CDC14A: variants seen among roughly 807,000 people sequenced by gnomAD.
The protein encoded by CDC14A is cell division cycle 14A.
In CDC14A, 53 loss-of-function variants were observed where a neutral mutation model predicts 74.4. The ratio of observed to expected loss-of-function variants is 0.71; its 90% CI spans 0.57 to 0.89. The LOEUF (loss-of-function observed/expected upper bound fraction) is 0.89. CDC14A is among the 40% of genes least tolerant of loss of function. CDC14A has a pLI of 0.00. For missense variants in CDC14A, 646 were observed against 713.7 expected (o/e 0.91, Z 1.08); for synonymous variants, 247 against 258.4 (o/e 0.96, Z 0.43).
At chr1:100,346,792 T>C (rs1222195380) in intron 1 of CDC14A, among the ~76,000 whole-genome samples, 1 of 152,244 alleles carries the variant, frequency 6.6e-6, no homozygotes. Flanking sequence ...AACTTTCTTT[T>C]ACCTTCTAAA....
intron 2 of CDC14A, chr1:100,363,344 T>C (rs1472733129): frequency 6.6e-6 from 1 of 152,226 alleles, no homozygotes; most frequent in Non-Finnish European, 1.5e-5. Context: ...AAAATGATTT[T>C]AGGGCTGCTT....
At chr1:100,445,779 C>G (rs980941406) in intron 7 of CDC14A, among the ~76,000 whole-genome samples, 3 of 152,132 alleles carry the variant, frequency 2.0e-5, no homozygotes, top group Non-Finnish European at 1.5e-5. Flanking sequence ...CAACAACCAT[C>G]TAGGTGATGG....
At chr1:100,515,142 T>C (rs1321172633) in intron 15 of CDC14A, among the ~76,000 whole-genome samples, 1 of 152,166 alleles carries the variant, frequency 6.6e-6, no homozygotes, top group East Asian at 1.9e-4. Context: ...AGATTTGAAA[T>C]GGAGAGTACT....
At chr1:100,443,357 C>T (rs74901211) in intron 7 of CDC14A, among the ~76,000 whole-genome samples, 9,830 of 151,908 alleles carry the variant, frequency 0.065, 521 homozygotes, top group Middle Eastern at 0.099. Flanking sequence ...ATTTTTGAGG[C>T]GGTGTCTAGC....
chr1:100,375,197 G>A lies in CDC14A; in HGVS notation c.141-2349G>A, dbSNP rs555936506. On this transcript the variant is annotated intron_variant, in intron 2 of 15. Coordinates refer to ENST00000336454, the MANE Select transcript of CDC14A (RefSeq NM_003672.4). ...GGAGGACACTCTAGACAAGGAAACC[G>A]ATGTGAGTGGAGGCTTAGATAAAGA... Among the ~76,000 whole-genome samples the A allele has an allele frequency of 5.3e-5, 8 of 152,278 alleles. No homozygotes were observed. In the East Asian group the frequency reaches 5.8e-4, roughly 11 times the overall value.
At chr1:100,381,309 G>T (rs1426116817) in intron 3 of CDC14A, among the ~76,000 whole-genome samples, 1 of 152,148 alleles carries the variant, frequency 6.6e-6, no homozygotes, top group Non-Finnish European at 1.5e-5. Flanking sequence ...TACCGAAACT[G>T]CTCTAATAAC....
intron 10 of CDC14A, among the ~76,000 whole-genome samples, chr1:100,478,570 A>G (rs1357377719): frequency 6.6e-6 from 1 of 152,178 alleles, no homozygotes; most frequent in Non-Finnish European, 1.5e-5. Context: ...GGGGCTCAAT[A>G]TGGCATTGTT....
chr1:100,402,701 T>C (rs983224218), intron 4 of CDC14A, among the ~76,000 whole-genome samples: 1 of 152,164 alleles, frequency 6.6e-6, no homozygotes, highest in African/African-American at 2.4e-5. Flanking sequence ...ACCCAGCTAA[T>C]GGAGAAGGAC....
At chr1:100,507,413 A>G (rs1159309944) in intron 15 of CDC14A, among the ~76,000 whole-genome samples, 1 of 151,920 alleles carries the variant, frequency 6.6e-6, no homozygotes, top group Non-Finnish European at 1.5e-5. Context: ...ATCAGTGTGT[A>G]CTTTCAATCT....
At chr1:100,448,042 C>T (rs1221236893) in intron 7 of CDC14A, among the ~76,000 whole-genome samples, 3 of 152,158 alleles carry the variant, frequency 2.0e-5, no homozygotes, top group Admixed American at 6.6e-5. Flanking sequence ...GTGTCCTGTT[C>T]TTAGTTGGGT....
At chr1:100,357,671 G>A (rs1057491935) in intron 2 of CDC14A, among the ~76,000 whole-genome samples, 1 of 151,376 alleles carries the variant, frequency 6.6e-6, no homozygotes, top group African/African-American at 2.4e-5. Context: ...TGAGGCGACA[G>A]GATTGCTTGA....
At chr1:100,388,180 G>C (rs1197063028) in intron 3 of CDC14A, among the ~76,000 whole-genome samples, 1 of 152,212 alleles carries the variant, frequency 6.6e-6, no homozygotes, top group Non-Finnish European at 1.5e-5. Context: ...TTTATTGAGA[G>C]CCTGGCCTGT....
intron 3 of CDC14A, among the ~76,000 whole-genome samples, chr1:100,381,778 T>TA (rs1182362226): frequency 3.3e-5 from 5 of 152,142 alleles, no homozygotes; most frequent in Non-Finnish European, 7.4e-5. Context: ...TCATCACCAA[T>TA]AAAAAACCTG....
chr1:100,469,594 T>C (rs146943625), intron 10 of CDC14A, among the ~76,000 whole-genome samples: 382 of 152,322 alleles, frequency 2.5e-3, no homozygotes, highest in Middle Eastern at 6.8e-3. Context: ...GAAGAAATGG[T>C]CTTAGGGTTA....
At chr1:100,498,705 A>AG (rs1237911120) in intron 14 of CDC14A, among the ~76,000 whole-genome samples, 3 of 152,182 alleles carry the variant, frequency 2.0e-5, no homozygotes, top group Admixed American at 6.5e-5. Context: ...CTTGGGTCCT[A>AG]GTTAACTGCT....
intron 15 of CDC14A, among the ~76,000 whole-genome samples, chr1:100,501,663 A>C (rs577098358): frequency 6.6e-5 from 10 of 152,218 alleles, no homozygotes; most frequent in Non-Finnish European, 1.3e-4. Context: ...CTCCTTATTA[A>C]AACAAAAGTT....
chr1:100,484,252 C>A (rs1669803380), intron 10 of CDC14A, 40 bp from the exon 11 acceptor site: 1 of 1,293,352 alleles, frequency 7.7e-7, no homozygotes, highest in African/African-American at 1.5e-5. Flanking sequence ...TTAAAGATAA[C>A]TTTTTCTTGT....
intron 15 of CDC14A, among the ~76,000 whole-genome samples, chr1:100,505,481 C>A (rs1216026079): frequency 2.6e-5 from 4 of 152,152 alleles, no homozygotes; most frequent in Admixed American, 1.3e-4. Context: ...ATATTAGAAT[C>A]TAGCTTTATA....
intron 4 of CDC14A, among the ~76,000 whole-genome samples, chr1:100,412,759 ATATATATAT>A (rs1202794618): frequency 3.0e-5 from 3 of 101,688 alleles, no homozygotes; most frequent in South Asian, 2.6e-4. Context: ...TATATTTTAT[ATATATATAT>A]TATATATATA....
Sources: gnomAD v4.1 joint callset for allele counts (sites outside exome capture counted in the v4.1 genomes callset) on GRCh38, gnomAD v4.1.1 for gene constraint, MANE v1.5 for transcripts, NCBI Gene and HGNC (gene_info 2026-07-23, HGNC 2026-07-21) for gene names.